Variants in QTGAL observed in about 807,000 individuals in gnomAD.
QTGAL encodes the protein BGnT-like protein 1.
the QTGAL span, chr17:82,957,426 G>C: frequency 1.2e-6 from 2 of 1,612,796 alleles, no homozygotes; most frequent in East Asian, 2.2e-5. Flanking sequence ...GTTCCAGATG[G>C]TGAAGGCCGC....
At chr17:83,020,137 A>G in the QTGAL span, among the ~76,000 whole-genome samples, 1 of 152,262 alleles carries the variant, frequency 6.6e-6, no homozygotes, top group African/African-American at 2.4e-5. Flanking sequence ...ATTTGAACAT[A>G]TATCAAAATA....
the QTGAL span, among the ~76,000 whole-genome samples, chr17:82,999,179 C>T: frequency 6.6e-6 from 1 of 152,062 alleles, no homozygotes; most frequent in African/African-American, 2.4e-5. Flanking sequence ...GTCATGCACA[C>T]ACAAAGGCTT....
chr17:82,949,384 C>T, the QTGAL span: 2 of 152,158 alleles, frequency 1.3e-5, no homozygotes, highest in Admixed American at 1.3e-4. Context: ...TCCATATAAT[C>T]GAAGAGCGGG....
At chr17:82,977,278 C>T in the QTGAL span, among the ~76,000 whole-genome samples, 6 of 152,168 alleles carry the variant, frequency 3.9e-5, no homozygotes, top group East Asian at 1.9e-4. Flanking sequence ...GGCGCCGCCC[C>T]GACACGGACC....
At chr17:83,028,166 G>T in the QTGAL span, among the ~76,000 whole-genome samples, 1 of 151,998 alleles carries the variant, frequency 6.6e-6, no homozygotes, top group Admixed American at 6.6e-5. Context: ...GGGGATAAAA[G>T]GTAAGAGGTG....
chr17:83,021,626 G>A, the QTGAL span, among the ~76,000 whole-genome samples: 1 of 152,152 alleles, frequency 6.6e-6, no homozygotes, highest in Non-Finnish European at 1.5e-5. Context: ...ATAAAAATCA[G>A]CAGGCTTGAC....
the QTGAL span, among the ~76,000 whole-genome samples, chr17:82,955,330 G>A: frequency 6.6e-6 from 1 of 152,160 alleles, no homozygotes; most frequent in African/African-American, 2.4e-5. Context: ...CTCAAAAGAA[G>A]ACATGTGGCC....
the QTGAL span, among the ~76,000 whole-genome samples, chr17:82,962,587 T>C: frequency 5.8e-5 from 7 of 121,192 alleles, 1 homozygote; most frequent in Non-Finnish European, 1.1e-4. Flanking sequence ...CTGTGGGTGC[T>C]GGTGGGCACG....
At chr17:83,043,267 C>T in the QTGAL span, among the ~76,000 whole-genome samples, 6 of 152,150 alleles carry the variant, frequency 3.9e-5, no homozygotes, top group South Asian at 2.1e-4. Flanking sequence ...GTGACACGTC[C>T]GGCCATAAAA....
At chr17:82,953,786 A>G in the QTGAL span, among the ~76,000 whole-genome samples, 1 of 152,232 alleles carries the variant, frequency 6.6e-6, no homozygotes, top group Non-Finnish European at 1.5e-5. Flanking sequence ...CAGCACATCA[A>G]AAAGCTTATC....
chr17:83,023,203 A>G, the QTGAL span, among the ~76,000 whole-genome samples: 17 of 82,114 alleles, frequency 2.1e-4, no homozygotes, highest in Admixed American at 6.2e-4. Context: ...GTGAACTCAC[A>G]TGAGCTTAGC....
chr17:83,031,775 G>A, the QTGAL span, among the ~76,000 whole-genome samples: 2 of 152,200 alleles, frequency 1.3e-5, no homozygotes, highest in Non-Finnish European at 2.9e-5. Context: ...TGTTTAAACC[G>A]TCCTCAGTTG....
chr17:82,960,916 G>A, the QTGAL span: 22 of 1,299,708 alleles, frequency 1.7e-5, no homozygotes, highest in African/African-American at 7.5e-5. Flanking sequence ...CTGTTGCCCC[G>A]TGTCCCACCA....
the QTGAL span, among the ~76,000 whole-genome samples, chr17:82,985,576 T>G: frequency 6.6e-6 from 1 of 152,206 alleles, no homozygotes; most frequent in African/African-American, 2.4e-5. Flanking sequence ...CCTTGGTGTT[T>G]AGTGGCACCG....
chr17:82,978,585 T>C, the QTGAL span: 2 of 152,216 alleles, frequency 1.3e-5, no homozygotes, highest in Non-Finnish European at 2.9e-5. The surrounding 1 kb of genome is among the most constrained non-coding windows in gnomAD (Gnocchi z 4.8). Context: ...TCTCATTTCC[T>C]GCACGCAACA....
the QTGAL span, among the ~76,000 whole-genome samples, chr17:83,009,299 C>G: frequency 6.6e-6 from 1 of 152,134 alleles, no homozygotes; most frequent in Non-Finnish European, 1.5e-5. Flanking sequence ...TGGCGCACAC[C>G]TGTAATCCCA....
chr17:83,051,201 G>A, the QTGAL span, among the ~76,000 whole-genome samples: 4 of 149,558 alleles, frequency 2.7e-5, no homozygotes, highest in South Asian at 8.4e-4. Flanking sequence ...GCAGGGGCAA[G>A]GCAGGTGCGT....
chr17:82,987,152 C>T, the QTGAL span, among the ~76,000 whole-genome samples: 1 of 152,204 alleles, frequency 6.6e-6, no homozygotes, highest in Non-Finnish European at 1.5e-5. Context: ...ACCCCATTTA[C>T]CCTAATATAG....
chr17:82,955,876 T>C, the QTGAL span, among the ~76,000 whole-genome samples: 54 of 152,164 alleles, frequency 3.5e-4, no homozygotes, highest in African/African-American at 1.2e-3. Context: ...GAAACCATCA[T>C]CCTCAGCAAA....
Sources: gnomAD v4.1 joint callset for allele counts (sites outside exome capture counted in the v4.1 genomes callset) on GRCh38, gnomAD v4.1.1 for gene constraint, Gnocchi (gnomAD v3.1) non-coding constraint, MANE v1.5 for transcripts, NCBI Gene and HGNC (gene_info 2026-07-23, HGNC 2026-07-21) for gene names.